The following CA10 variants were observed in gnomAD, a reference collection of about 807,000 sequenced individuals.
CA10 encodes the protein carbonic anhydrase-related protein 10.
CA10 carries 14 observed loss-of-function variants against 44.2 expected under a neutral mutation model. The observed-to-expected ratio is 0.32, with a 90% CI of 0.21 to 0.50. The LOEUF is 0.50. CA10 is among the 20% of genes least tolerant of loss of function. The pLI is 0.99. For missense variants in CA10, 350 were observed against 409.7 expected (o/e 0.85, Z 1.26); for synonymous variants, 159 against 141.6 (o/e 1.12, Z -0.87).
intron 3 of CA10, among the ~76,000 whole-genome samples, chr17:51,827,798 A>G (rs992336090): frequency 5.3e-5 from 8 of 152,184 alleles, no homozygotes; most frequent in African/African-American, 1.7e-4. Flanking sequence ...CCTCCTGTAC[A>G]CAAAATGAAC....
intron 3 of CA10, among the ~76,000 whole-genome samples, chr17:51,906,175 C>T (rs1419340820): frequency 6.6e-6 from 1 of 152,104 alleles, no homozygotes; most frequent in Non-Finnish European, 1.5e-5. Context: ...AGCTAGCCTA[C>T]CCCCATTTTG....
At chr17:51,826,038 T>A (rs1412820208) in intron 3 of CA10, among the ~76,000 whole-genome samples, 1 of 152,240 alleles carries the variant, frequency 6.6e-6, no homozygotes, top group African/African-American at 2.4e-5. Context: ...AAAATAGCAA[T>A]GGTAATAACT....
intron 3 of CA10, among the ~76,000 whole-genome samples, chr17:51,757,526 T>C (rs1598030024): frequency 1.3e-5 from 2 of 152,250 alleles, no homozygotes. Flanking sequence ...TTGCTTTATG[T>C]AGCACTCTTC....
chr17:51,865,547 A>T (rs552964766), intron 3 of CA10, among the ~76,000 whole-genome samples: 4 of 152,336 alleles, frequency 2.6e-5, no homozygotes, highest in South Asian at 4.1e-4. Context: ...GGCAGTGTCC[A>T]TGGCCTCAGG....
At chr17:52,088,805 A>G (rs1017971287) in intron 1 of CA10, among the ~76,000 whole-genome samples, 3 of 152,356 alleles carry the variant, frequency 2.0e-5, no homozygotes, top group Middle Eastern at 6.8e-3. Flanking sequence ...TGAAAAGAAA[A>G]AAACCCTTAC....
At chr17:51,679,040 T>C (rs576083016) in intron 4 of CA10, among the ~76,000 whole-genome samples, 10 of 152,154 alleles carry the variant, frequency 6.6e-5, no homozygotes, top group Non-Finnish European at 1.5e-4. Context: ...CTTATTTGTA[T>C]GCTACAGTCA....
chr17:51,818,403 C>T (rs991706187), intron 3 of CA10, among the ~76,000 whole-genome samples: 3 of 152,192 alleles, frequency 2.0e-5, no homozygotes, highest in African/African-American at 7.2e-5. Context: ...TACCGCAGCA[C>T]ATCGTAGAAT....
At chr17:51,775,945 G>A (rs559350700) in intron 3 of CA10, among the ~76,000 whole-genome samples, 37 of 152,272 alleles carry the variant, frequency 2.4e-4, no homozygotes, top group African/African-American at 8.4e-4. Context: ...CAGCTGGTAA[G>A]GTAGGCCAAT....
intron 3 of CA10, among the ~76,000 whole-genome samples, chr17:51,913,667 C>A (rs949642218): frequency 6.6e-6 from 1 of 152,088 alleles, no homozygotes; most frequent in African/African-American, 2.4e-5. Context: ...AATGACCGCA[C>A]CTCCCCAAGC....
At position 51,931,023 on chromosome 17, in the gene CA10, C is replaced by T. The variant is rs1172857260; in HGVS notation, c.246G>A (p.Leu82=). The T allele has an allele frequency of 6.2e-7, 1 of 1,613,414 alleles. No homozygotes were observed. Among genetic ancestry groups the T allele is most frequent in the East Asian group, 2.2e-5 (1 of 44,832 alleles). The change falls in exon 3 of 9, where the codon CTG becomes CTA. Residue 82 remains leucine, a synonymous_variant. Transcript: ENST00000451037. ...CCCCCGTGTTGATGCGAAGAGGTGT[C>T]AGAAAGGGGTCGAAGATCATGTGAC... ...ETSHMIFDPF[L]TPLRINTGGR... is the part of the protein sequence containing the mutation.
chr17:51,744,062 G>A (rs998820807), intron 4 of CA10, among the ~76,000 whole-genome samples: 3 of 152,198 alleles, frequency 2.0e-5, no homozygotes, highest in Admixed American at 1.3e-4. Context: ...GCTCACGCCT[G>A]TAATCTCAGC....
chr17:51,849,730 TGGAA>T (rs1423358953), intron 3 of CA10, among the ~76,000 whole-genome samples: 1 of 152,132 alleles, frequency 6.6e-6, no homozygotes, highest in Non-Finnish European at 1.5e-5. Context: ...CAGAACTTGA[TGGAA>T]GGAAGTACAG....
chr17:51,677,843 T>C (rs552225002), intron 4 of CA10, among the ~76,000 whole-genome samples: 6 of 150,560 alleles, frequency 4.0e-5, no homozygotes, highest in Non-Finnish European at 5.9e-5. Flanking sequence ...AAGTTAAACA[T>C]ACAATTACCA....
chr17:51,981,003 T>A (rs987365134), intron 2 of CA10, among the ~76,000 whole-genome samples: 2 of 152,030 alleles, frequency 1.3e-5, no homozygotes, highest in Non-Finnish European at 2.9e-5. Flanking sequence ...ATGGAATAGA[T>A]AAAATTGAAA....
At chr17:51,736,719 T>C (rs1379546221) in intron 4 of CA10, among the ~76,000 whole-genome samples, 1 of 152,202 alleles carries the variant, frequency 6.6e-6, no homozygotes, top group African/African-American at 2.4e-5. Flanking sequence ...GATGTGTTTA[T>C]ACACAAATTT....
intron 1 of CA10, among the ~76,000 whole-genome samples, chr17:52,083,305 G>A (rs1988030281): frequency 6.6e-6 from 1 of 152,134 alleles, no homozygotes; most frequent in Non-Finnish European, 1.5e-5. Flanking sequence ...CAGAATTGTT[G>A]GTTTGGGAGG....
intron 3 of CA10, among the ~76,000 whole-genome samples, chr17:51,874,974 C>A (rs62063228): frequency 3.6e-5 from 4 of 111,598 alleles, no homozygotes; most frequent in Non-Finnish European, 7.2e-5. Flanking sequence ...TTTTTCTTTT[C>A]TTTTCTTTTC....
chr17:51,919,100 TTTC>T (rs1299009517), intron 3 of CA10, among the ~76,000 whole-genome samples: 2 of 152,170 alleles, frequency 1.3e-5, no homozygotes, highest in African/African-American at 2.4e-5. Context: ...AAATGAGCAT[TTTC>T]TTAAGTCCTT....
chr17:51,745,128 T>C (rs1415472183), intron 4 of CA10, among the ~76,000 whole-genome samples: 3 of 152,204 alleles, frequency 2.0e-5, no homozygotes, highest in Non-Finnish European at 4.4e-5. Context: ...AGCCTTGCCA[T>C]TTCCAGGGGA....
Sources: gnomAD v4.1 joint callset for allele counts (sites outside exome capture counted in the v4.1 genomes callset) on GRCh38, gnomAD v4.1.1 for gene constraint, MANE v1.5 for transcripts, NCBI Gene and HGNC (gene_info 2026-07-23, HGNC 2026-07-21) for gene names.